NOVA1: variants seen among roughly 807,000 people sequenced by gnomAD.
NOVA1 encodes NOVA alternative splicing regulator 1, also known as RNA-binding protein Nova-1.
NOVA1 carries 7 observed loss-of-function variants against 38.0 expected under a neutral mutation model. The ratio of observed to expected loss-of-function variants is 0.18; its 90% CI spans 0.10 to 0.35. NOVA1 has a LOEUF of 0.35. Among genes scored for constraint, NOVA1 ranks in the 10% least tolerant of loss-of-function variants. The pLI, the probability that NOVA1 is intolerant of heterozygous loss-of-function variation, is 1.00. For synonymous variants in NOVA1, 270 were observed against 232.5 expected (o/e 1.16, Z -1.47); for missense variants, 460 against 616.0 (o/e 0.75, Z 2.68).
chr14:26,490,175 T>A (rs1352474466), intron 2 of NOVA1, among the ~76,000 whole-genome samples: 2 of 152,206 alleles, frequency 1.3e-5, no homozygotes, highest in Non-Finnish European at 2.9e-5. Context: ...ATGTAGCATA[T>A]CTCAAAAATT....
rs1433969692 is a variant in NOVA1 at position 26,564,135 on chromosome 14, G to C, written c.280+31275C>G. Among the ~76,000 whole-genome samples, 4 of 152,002 alleles carry C rather than the reference G, an allele frequency of 2.6e-5. No homozygotes were observed. The South Asian group carries it at 8.3e-4, about 31-fold the overall frequency. On this transcript the variant is annotated intron_variant, in intron 2 of 4. Transcript: ENST00000539517. ...CTACTATATGTATTATAAACCTATT[G>C]AACACAACATATTGTCTTTAATTAT...
At chr14:26,451,091 T>C (rs932006368) in intron 4 of NOVA1, among the ~76,000 whole-genome samples, 16 of 152,316 alleles carry the variant, frequency 1.1e-4, no homozygotes, top group Admixed American at 3.9e-4. Context: ...AGGATAATTA[T>C]AGGCTGTTAA....
intron 2 of NOVA1, among the ~76,000 whole-genome samples, chr14:26,586,084 A>C (rs1307428210): frequency 6.6e-6 from 1 of 151,366 alleles, no homozygotes; most frequent in Admixed American, 6.6e-5. Flanking sequence ...CACAGCAGGC[A>C]AGAAGGATGC....
intron 2 of NOVA1, among the ~76,000 whole-genome samples, chr14:26,576,653 GCTAA>G (rs1408958901): frequency 6.6e-6 from 1 of 151,416 alleles, no homozygotes; most frequent in Non-Finnish European, 1.5e-5. Context: ...TACATTTTAA[GCTAA>G]CTGTGTCTTC....
intron 4 of NOVA1, among the ~76,000 whole-genome samples, chr14:26,465,795 G>A (rs1219672051): frequency 1.3e-5 from 2 of 152,052 alleles, no homozygotes; most frequent in East Asian, 3.9e-4. Flanking sequence ...TTATGCTCCA[G>A]GCTAGTGCTT....
At chr14:26,494,156 C>T (rs1216191837) in intron 2 of NOVA1, among the ~76,000 whole-genome samples, 1 of 152,192 alleles carries the variant, frequency 6.6e-6, no homozygotes, top group African/African-American at 2.4e-5. Context: ...TAAATTTCTT[C>T]ATAGTGCTCT....
At chr14:26,494,628 T>C (rs1470191431) in intron 2 of NOVA1, among the ~76,000 whole-genome samples, 1 of 152,198 alleles carries the variant, frequency 6.6e-6, no homozygotes, top group African/African-American at 2.4e-5. Flanking sequence ...GGAAATAGTT[T>C]CCTCTTCTGG....
intron 2 of NOVA1, among the ~76,000 whole-genome samples, chr14:26,518,914 A>T (rs1888669451): frequency 6.6e-6 from 1 of 152,084 alleles, no homozygotes; most frequent in African/African-American, 2.4e-5. Flanking sequence ...GTAAAATGTG[A>T]TTACTAAATT....
intron 2 of NOVA1, among the ~76,000 whole-genome samples, chr14:26,509,337 T>C (rs1261033826): frequency 7.2e-5 from 11 of 152,218 alleles, no homozygotes; most frequent in Admixed American, 6.5e-4. Context: ...TTATGAAATA[T>C]TGAATATCCT....
At chr14:26,516,005 T>C (rs1888437295) in intron 2 of NOVA1, among the ~76,000 whole-genome samples, 1 of 152,144 alleles carries the variant, frequency 6.6e-6, no homozygotes, top group Non-Finnish European at 1.5e-5. Context: ...TTTATCCACT[T>C]CCAATCCTTC....
chr14:26,549,845 G>A, intron 2 of NOVA1: 1 of 739,484 alleles, frequency 1.4e-6, no homozygotes. Flanking sequence ...GCAATTCGGT[G>A]GTGGGTGAAG....
intron 4 of NOVA1, among the ~76,000 whole-genome samples, chr14:26,463,846 T>C (rs1388354961): frequency 6.6e-6 from 1 of 152,176 alleles, no homozygotes; most frequent in African/African-American, 2.4e-5. Context: ...GGACAGTCAA[T>C]ATACCAGCAC....
intron 2 of NOVA1, among the ~76,000 whole-genome samples, chr14:26,488,862 T>C (rs1886119313): frequency 6.6e-6 from 1 of 152,154 alleles, no homozygotes; most frequent in Non-Finnish European, 1.5e-5. Flanking sequence ...CACTTGAAAT[T>C]CTTCTATCTA....
chr14:26,584,854 T>C (rs1320144880), intron 2 of NOVA1, among the ~76,000 whole-genome samples: 7 of 151,442 alleles, frequency 4.6e-5, no homozygotes, highest in African/African-American at 1.5e-4. Context: ...TTCTCCATTA[T>C]ACAGTTATCA....
At chr14:26,563,314 C>A (rs1215928058) in intron 2 of NOVA1, among the ~76,000 whole-genome samples, 1 of 147,088 alleles carries the variant, frequency 6.8e-6, no homozygotes, top group Non-Finnish European at 1.5e-5. Flanking sequence ...AAAATAAGAA[C>A]AATATGTCAC....
intron 2 of NOVA1, among the ~76,000 whole-genome samples, chr14:26,506,860 A>G (rs1031959589): frequency 2.6e-5 from 4 of 152,160 alleles, no homozygotes; most frequent in African/African-American, 9.7e-5. Flanking sequence ...GATTACAGGC[A>G]TGAGCCACCG....
intron 2 of NOVA1, among the ~76,000 whole-genome samples, chr14:26,531,764 A>C (rs1303746772): frequency 1.3e-5 from 2 of 152,224 alleles, no homozygotes; most frequent in Admixed American, 6.5e-5. Context: ...ACAAACAAAT[A>C]AATGAAAAGG....
intron 2 of NOVA1, among the ~76,000 whole-genome samples, chr14:26,542,369 T>TA (rs1890516584): frequency 6.6e-6 from 1 of 151,886 alleles, no homozygotes; most frequent in African/African-American, 2.4e-5. Flanking sequence ...AATTTTTACT[T>TA]ATTTGCCTGA....
chr14:26,479,640 AATACTT>A (rs1367011047), intron 3 of NOVA1: 6 of 280,658 alleles, frequency 2.1e-5, no homozygotes, highest in African/African-American at 6.5e-5. Context: ...GTATCATTGA[AATACTT>A]ATACTTTATT....
Sources: allele counts gnomAD v4.1 joint callset (sites outside exome capture counted in the v4.1 genomes callset), GRCh38; gene constraint gnomAD v4.1.1; transcripts MANE v1.5; gene names NCBI Gene and HGNC (gene_info 2026-07-23, HGNC 2026-07-21).